The following VAPA variants were observed in gnomAD, a reference collection of about 807,000 sequenced individuals.
VAPA encodes the protein vesicle-associated membrane protein-associated protein A.
A neutral mutation model predicts 25.6 loss-of-function variants in VAPA; 6 were observed. The observed-to-expected ratio is 0.23, with a 90% confidence interval of 0.13 to 0.46. The LOEUF (loss-of-function observed/expected upper bound fraction) is 0.46. VAPA is among the 20% of genes least tolerant of loss of function. The probability of loss-of-function intolerance (pLI) is 0.99; values close to 1 mark genes in which losing one functional copy is unlikely to be tolerated. For missense variants in VAPA, 244 were observed against 302.1 expected, an observed-to-expected ratio of 0.81 and a Z score of 1.43; for synonymous variants, 112 against 106.2, an observed-to-expected ratio of 1.05 and a Z score of -0.34.
At chr18:9,927,576 T>C (rs1279309111) in intron 1 of VAPA, among the ~76,000 whole-genome samples, 1 of 151,984 alleles carries the variant, frequency 6.6e-6, no homozygotes, top group African/African-American at 2.4e-5. Context: ...GAAGTCATTG[T>C]TCTGAATGGT....
intron 4 of VAPA, among the ~76,000 whole-genome samples, chr18:9,943,841 C>CTTTTTTTTTTTTTTTTTTTTTTTT (rs71169911): frequency 1.9e-5 from 1 of 51,770 alleles, no homozygotes; most frequent in Non-Finnish European, 3.8e-5. Context: ...ACATATTTCC[C>CTTTTTTTTTTTTTTTTTTTTTTTT]TTTTTTTTTT....
Position 9,957,492 on chromosome 18 carries a change from C to G in VAPA, c.*3281C>G, listed in dbSNP as rs1249210057. 1.9e-4 allele frequency: 29 copies of G among 152,080 alleles called. No homozygotes were observed. Among genetic ancestry groups the G allele is most frequent in the Admixed American group, 1.8e-3 (27 of 15,272 alleles). 9.4% of individuals were successfully genotyped at this position (152,080 alleles called of 1,614,324 possible). On this transcript the variant is annotated 3_prime_UTR_variant, in exon 6 of 6. Transcript: ENST00000400000. Reference sequence around the variant, plus strand: ...GGTATTCCCAACTTGTGATCTTCTACCACTTTAGAGACATTCAAGTAATAG... The same window carrying G: ...GGTATTCCCAACTTGTGATCTTCTAGCACTTTAGAGACATTCAAGTAATAG...
intron 1 of VAPA, among the ~76,000 whole-genome samples, chr18:9,918,003 A>AT (rs538453951): frequency 0.086 from 12,726 of 148,816 alleles, 1,026 homozygotes; most frequent in African/African-American, 0.21. Context: ...TAAAAGTCAG[A>AT]TTTTTTTTTT....
intron 4 of VAPA, among the ~76,000 whole-genome samples, chr18:9,938,612 G>T (rs2069335414): frequency 6.6e-6 from 1 of 152,184 alleles, no homozygotes; most frequent in Non-Finnish European, 1.5e-5. Context: ...AACCTTTTCA[G>T]AGCAGGTATT....
chr18:9,923,466 T>G (rs1192488635), intron 1 of VAPA, among the ~76,000 whole-genome samples: 2 of 152,220 alleles, frequency 1.3e-5, no homozygotes, highest in Admixed American at 6.5e-5. Flanking sequence ...GACAAATTTC[T>G]CATGGGCCTA....
chr18:9,919,540 G>A (rs567958600), intron 1 of VAPA, among the ~76,000 whole-genome samples: 59 of 152,254 alleles, frequency 3.9e-4, no homozygotes, highest in African/African-American at 1.3e-3. Context: ...GTAAAATAAG[G>A]GTCTTCGATC....
intron 2 of VAPA, among the ~76,000 whole-genome samples, chr18:9,934,419 T>C (rs1037462455): frequency 1.3e-5 from 2 of 152,224 alleles, no homozygotes; most frequent in African/African-American, 4.8e-5. Flanking sequence ...ATTAACTCAG[T>C]GAAGGTTGCT....
chr18:9,954,988 A>G lies in VAPA; in HGVS notation c.*777A>G, dbSNP rs1170931046. The G allele has an allele frequency of 6.6e-6, 1 of 152,222 alleles. No homozygotes were observed. Among genetic ancestry groups the G allele is most frequent in the Non-Finnish European group, 1.5e-5 (1 of 68,020 alleles). 9.4% of individuals were successfully genotyped at this position (152,222 alleles called of 1,614,324 possible). A position where few individuals can be genotyped will look rare whatever the true frequency, so the allele number is the denominator to read the frequency against. On this transcript the variant is annotated 3_prime_UTR_variant, in exon 6 of 6. Coordinates refer to ENST00000400000, the MANE Select transcript of VAPA (RefSeq NM_194434.3). ...AAGGAAAGGAGTTGATTAAATTTTA[A>G]GGTACCACTGGTATTTTGGGAGATT...
intron 4 of VAPA, among the ~76,000 whole-genome samples, chr18:9,940,836 A>G (rs368396245): frequency 1.3e-5 from 2 of 152,358 alleles, no homozygotes; most frequent in East Asian, 3.9e-4. Flanking sequence ...AAAGATTGTA[A>G]TATATCACCA....
chr18:9,935,794 A>G (rs905794919), intron 2 of VAPA, among the ~76,000 whole-genome samples: 1 of 152,238 alleles, frequency 6.6e-6, no homozygotes. Flanking sequence ...GGGCAAAATC[A>G]TAGATTCATA....
intron 3 of VAPA, 70 bp from the exon 4 acceptor site, chr18:9,936,916 C>A: frequency 1.5e-6 from 2 of 1,359,958 alleles, no homozygotes; most frequent in Non-Finnish European, 2.1e-6. Context: ...TTTTAGCTGT[C>A]CCGTGAGGTG....
Position 9,958,210 on chromosome 18 carries a change from T to G in VAPA, c.*3999T>G, listed in dbSNP as rs2069570376. The G allele has an allele frequency of 6.6e-6, 1 of 152,382 alleles. No homozygotes were observed. The highest frequency in any genetic ancestry group is 2.1e-4 in the South Asian group (1 of 4,834). 9.4% of individuals were successfully genotyped at this position (152,382 alleles called of 1,614,324 possible). A position where few individuals can be genotyped will look rare whatever the true frequency, so the allele number is the denominator to read the frequency against. On this transcript the variant is annotated 3_prime_UTR_variant, in exon 6 of 6. Coordinates refer to ENST00000400000, the MANE Select transcript of VAPA (RefSeq NM_194434.3). ...TTTTTTTCCAGCTTAATTTCTGTGG[T>G]TTATTGAAAACCAAGTATAAATGTG... is the stretch of plus-strand genomic sequence containing the variant.
At chr18:9,920,504 T>G (rs2069147707) in intron 1 of VAPA, among the ~76,000 whole-genome samples, 1 of 152,190 alleles carries the variant, frequency 6.6e-6, no homozygotes, top group Non-Finnish European at 1.5e-5. Context: ...GGTTTTGCCC[T>G]GTGGGCCAGG....
intron 1 of VAPA, among the ~76,000 whole-genome samples, chr18:9,921,592 CAT>C (rs2069157167): frequency 6.6e-6 from 1 of 152,166 alleles, no homozygotes; most frequent in African/African-American, 2.4e-5. Context: ...AGCAAATTGA[CAT>C]ATGCATCATC....
chr18:9,923,281 CCG>C, intron 1 of VAPA, among the ~76,000 whole-genome samples: 6 of 147,756 alleles, frequency 4.1e-5, no homozygotes, highest in African/African-American at 1.3e-4. Context: ...GATTGAATTA[CCG>C]TTAAAAAGTA....
intron 2 of VAPA, among the ~76,000 whole-genome samples, chr18:9,933,783 C>T (rs763352005): frequency 1.3e-5 from 2 of 152,214 alleles, no homozygotes; most frequent in Non-Finnish European, 2.9e-5. Flanking sequence ...AGTGATCCAT[C>T]TACCTTAGCC....
Position 9,914,264 on chromosome 18 carries a change from C to T in VAPA, c.8C>T (p.Ser3Phe). Residue 3 changes from serine (S) to phenylalanine (F), a missense_variant, in exon 1 of 6, where the codon TCC (serine) becomes TTC (phenylalanine). Around this residue, in one of 2 missense-constraint regions of VAPA, gnomAD observed 99 missense variants for 161.6 expected, o/e 0.61. Coordinates refer to ENST00000400000, the MANE Select transcript of VAPA (RefSeq NM_194434.3). MASASGAMAKHEQ... is the reference protein window; with the variant it reads MAFASGAMAKHEQ... ...CTCTGCGCTGTCTCTCCGATGGCGT[C>T]CGCCTCAGGGGCCATGGCGAAGCAC... 1 of 1,582,978 alleles carries T rather than the reference C, an allele frequency of 6.3e-7. No individual in the cohort carries two copies. The highest frequency in any genetic ancestry group is 8.6e-7 in the Non-Finnish European group (1 of 1,166,404).
intron 4 of VAPA, among the ~76,000 whole-genome samples, chr18:9,944,219 CAGGGATTTCAGGGGTCTTATAA>C (rs377295763): frequency 1.2e-4 from 19 of 152,028 alleles, no homozygotes; most frequent in South Asian, 8.3e-4. Context: ...CTGTAAAGAA[CAGGGATTTCAGGGGTCTTATAA>C]AGGGATTTCA....
chr18:9,944,027 A>G (rs1242133889), intron 4 of VAPA, among the ~76,000 whole-genome samples: 2 of 151,102 alleles, frequency 1.3e-5, no homozygotes, highest in Non-Finnish European at 3.0e-5. Flanking sequence ...ACGCCTGGCT[A>G]ATTTTTTGTA....
Sources: allele counts gnomAD v4.1 joint callset (sites outside exome capture counted in the v4.1 genomes callset), GRCh38; gene constraint gnomAD v4.1.1; regional missense constraint gnomAD v4.1.1; transcripts MANE v1.5; gene names NCBI Gene and HGNC (gene_info 2026-07-23, HGNC 2026-07-21).